Variants in ADK observed in about 807,000 individuals in gnomAD.
ADK encodes the protein adenosine kinase.
A neutral mutation model predicts 44.7 loss-of-function variants in ADK; 24 were observed. That is an observed-to-expected ratio of 0.54 (90% CI 0.39 to 0.76). ADK has a LOEUF of 0.76. Ranked by LOEUF, ADK falls within the 30% of genes least tolerant of loss-of-function variation. The pLI, the probability that ADK is intolerant of heterozygous loss-of-function variation, is 0.00. For missense variants in ADK, 321 were observed against 425.1 expected, an observed-to-expected ratio of 0.76 and a Z score of 2.15; for synonymous variants, 128 against 142.6, an observed-to-expected ratio of 0.90 and a Z score of 0.73.
intron 9 of ADK, among the ~76,000 whole-genome samples, chr10:74,654,487 C>A (rs1419508765): frequency 6.6e-6 from 1 of 152,196 alleles, no homozygotes; most frequent in Non-Finnish European, 1.5e-5. Context: ...ACTTAGGATT[C>A]ATTTGATTGC....
intron 6 of ADK, among the ~76,000 whole-genome samples, chr10:74,461,609 A>G (rs1846174649): frequency 6.6e-6 from 1 of 152,020 alleles, no homozygotes; most frequent in African/African-American, 2.4e-5. Flanking sequence ...AATATAATTG[A>G]TGGTTTGGAA....
At chr10:74,322,203 TG>T (rs1330130330) in intron 4 of ADK, among the ~76,000 whole-genome samples, 3 of 152,194 alleles carry the variant, frequency 2.0e-5, no homozygotes, top group African/African-American at 7.2e-5. Flanking sequence ...ACAGTCCAGA[TG>T]TAAATTTAAA....
intron 3 of ADK, among the ~76,000 whole-genome samples, chr10:74,252,731 T>G (rs962746982): frequency 2.0e-5 from 3 of 152,234 alleles, no homozygotes; most frequent in African/African-American, 7.2e-5. Context: ...ACAGTTAACC[T>G]ACGTTTCAGG....
In ADK at chr10:74,280,453, T is replaced by G. The variant is rs1001651955; in HGVS notation, c.195-34214T>G. On this transcript the variant is annotated intron_variant, in intron 3 of 10. Coordinates refer to ENST00000539909, the MANE Select transcript of ADK (RefSeq NM_006721.4). ...ACACACACACACACACACACGTTTT[T>G]TAGAGTTGGGGCTTGCCTTGTAGCC... 5.1e-5 allele frequency among the ~76,000 whole-genome samples: 5 copies of G among 97,730 alleles called. 1 individual carries two copies. The South Asian group carries it at 1.4e-3, about 28-fold the overall frequency. 64.1% of individuals were successfully genotyped at this position (97,730 alleles called of 152,430 possible). A position where few individuals can be genotyped will look rare whatever the true frequency, so the allele number is the denominator to read the frequency against.
At chr10:74,608,708 T>C (rs1852431014) in intron 9 of ADK, among the ~76,000 whole-genome samples, 1 of 151,652 alleles carries the variant, frequency 6.6e-6, no homozygotes, top group African/African-American at 2.4e-5. Flanking sequence ...GGCATGGGGG[T>C]CAGGGACCCA....
intron 1 of ADK, among the ~76,000 whole-genome samples, chr10:74,186,250 C>G (rs1450528071): frequency 4.7e-5 from 7 of 149,316 alleles, no homozygotes; most frequent in African/African-American, 1.7e-4. Flanking sequence ...CCCCTTCCGC[C>G]TTTCCCCTTT....
chr10:74,224,821 C>T (rs950059997), intron 3 of ADK, among the ~76,000 whole-genome samples: 1 of 152,158 alleles, frequency 6.6e-6, no homozygotes, highest in African/African-American at 2.4e-5. Context: ...TGTTGTATTC[C>T]ATCATCTAGA....
At chr10:74,154,696 G>A (rs1429704811) in intron 1 of ADK, among the ~76,000 whole-genome samples, 1 of 152,094 alleles carries the variant, frequency 6.6e-6, no homozygotes, top group Non-Finnish European at 1.5e-5. Flanking sequence ...CATATTTCCT[G>A]CATCTGTTAA....
intron 3 of ADK, among the ~76,000 whole-genome samples, chr10:74,281,123 T>G (rs1846917257): frequency 6.6e-6 from 1 of 152,382 alleles, no homozygotes; most frequent in South Asian, 2.1e-4. Flanking sequence ...AATATTCATT[T>G]GAAGCATGTA....
At chr10:74,512,358 G>A (rs1848366681) in intron 6 of ADK, among the ~76,000 whole-genome samples, 1 of 147,768 alleles carries the variant, frequency 6.8e-6, no homozygotes, top group South Asian at 2.1e-4. Context: ...AATAATTTGG[G>A]ACAAATTGGT....
At chr10:74,160,719 A>T (rs4745738) in intron 1 of ADK, among the ~76,000 whole-genome samples, 8 of 136,936 alleles carry the variant, frequency 5.8e-5, no homozygotes, top group African/African-American at 2.3e-4. Flanking sequence ...GTGTGTGTGT[A>T]TGTGTGTGTG....
chr10:74,389,205 G>T (rs1307399176), intron 4 of ADK, among the ~76,000 whole-genome samples: 1 of 152,204 alleles, frequency 6.6e-6, no homozygotes, highest in Non-Finnish European at 1.5e-5. Context: ...AGGGAAGGTA[G>T]GCAGTTTATT....
intron 10 of ADK, among the ~76,000 whole-genome samples, chr10:74,695,891 T>C (rs2134282847): frequency 6.6e-6 from 1 of 152,004 alleles, no homozygotes; most frequent in East Asian, 1.9e-4. Context: ...CTGCCCACCT[T>C]AGCCTCCCAA....
intron 6 of ADK, among the ~76,000 whole-genome samples, chr10:74,451,782 C>T (rs1211849740): frequency 1.3e-5 from 2 of 152,066 alleles, no homozygotes; most frequent in East Asian, 3.8e-4. Flanking sequence ...AGAACAAAAT[C>T]ATCCTAAAAT....
chr10:74,170,882 TTAA>T (rs1431293940), intron 1 of ADK, among the ~76,000 whole-genome samples: 6 of 151,428 alleles, frequency 4.0e-5, no homozygotes, highest in Non-Finnish European at 8.8e-5. Context: ...TATTAGAAAA[TTAA>T]TGATGGATGA....
intron 7 of ADK, among the ~76,000 whole-genome samples, chr10:74,583,373 A>G (rs1851432406): frequency 6.6e-6 from 1 of 152,144 alleles, no homozygotes; most frequent in African/African-American, 2.4e-5. Flanking sequence ...ATTGCTTCAG[A>G]ATAACAGAAG....
chr10:74,417,361 T>A (rs1000111520), intron 6 of ADK, among the ~76,000 whole-genome samples: 18 of 152,142 alleles, frequency 1.2e-4, no homozygotes, highest in Admixed American at 2.0e-4. Context: ...ATTCCCTAAT[T>A]TCATTTTTAT....
chr10:74,566,716 T>A (rs774865812), intron 7 of ADK, among the ~76,000 whole-genome samples: 1 of 152,234 alleles, frequency 6.6e-6, no homozygotes, highest in Non-Finnish European at 1.5e-5. Context: ...TTTTATACTT[T>A]ACAATTTGTT....
intron 7 of ADK, among the ~76,000 whole-genome samples, chr10:74,560,209 A>G (rs563499874): frequency 3.2e-4 from 48 of 152,188 alleles, no homozygotes; most frequent in Non-Finnish European, 6.3e-4. Flanking sequence ...ATGAGCCACC[A>G]TACCCAGCCT....
Sources: allele counts gnomAD v4.1 joint callset (sites outside exome capture counted in the v4.1 genomes callset), GRCh38; gene constraint gnomAD v4.1.1; transcripts MANE v1.5; gene names NCBI Gene and HGNC (gene_info 2026-07-23, HGNC 2026-07-21).